The following LRMDA variants were observed in gnomAD, a reference collection of about 807,000 sequenced individuals.
The protein encoded by LRMDA is leucine rich melanocyte differentiation associated, also known as leucine-rich melanocyte differentiation-associated protein.
Under a neutral mutation model 29.8 loss-of-function variants are expected in LRMDA, and 18 were observed. The ratio of observed to expected loss-of-function variants is 0.60; its 90% CI spans 0.42 to 0.90. The LOEUF is 0.90. Among genes scored for constraint, LRMDA ranks in the 40% least tolerant of loss-of-function variants. The pLI is 0.00. For missense variants in LRMDA, 273 were observed against 273.9 expected, an observed-to-expected ratio of 1.00 and a Z score of 0.02; for synonymous variants, 125 against 109.4, an observed-to-expected ratio of 1.14 and a Z score of -0.89.
chr10:75,986,500 A>G (rs7092693), intron 2 of LRMDA, among the ~76,000 whole-genome samples: 39,542 of 152,222 alleles, frequency 0.26, 5,519 homozygotes, highest in South Asian at 0.44. Flanking sequence ...AAGTTTGGCA[A>G]TAATGAAAGC....
At chr10:75,598,266 A>G (rs185453984) in intron 2 of LRMDA, among the ~76,000 whole-genome samples, 6 of 152,290 alleles carry the variant, frequency 3.9e-5, no homozygotes, top group Admixed American at 6.5e-5. Context: ...GATGAGTCCA[A>G]CTTTCGGTAG....
At chr10:76,190,227 G>T (rs1332308847) in intron 5 of LRMDA, among the ~76,000 whole-genome samples, 1 of 151,726 alleles carries the variant, frequency 6.6e-6, no homozygotes, top group Non-Finnish European at 1.5e-5. Context: ...ATTAAATTAG[G>T]ATTTAAAAAA....
intron 2 of LRMDA, among the ~76,000 whole-genome samples, chr10:75,896,393 G>C (rs1368566688): frequency 6.6e-6 from 1 of 152,204 alleles, no homozygotes; most frequent in Non-Finnish European, 1.5e-5. Context: ...AGCACACTCA[G>C]TTGTTTATTG....
Position 76,460,234 on chromosome 10 carries a change from A to G in LRMDA, c.602-96975A>G, listed in dbSNP as rs537625374. Among the ~76,000 whole-genome samples the G allele has an allele frequency of 2.2e-4, 34 of 152,310 alleles. 1 individual carries two copies. In the South Asian group the frequency reaches 7.0e-3, roughly 32 times the overall value. On this transcript the variant is annotated intron_variant, in intron 6 of 6. Coordinates refer to ENST00000611255, the MANE Select transcript of LRMDA (RefSeq NM_001305581.2). Reference sequence around the variant, plus strand: ...CCCCAGTGTTCACACTGCACCCTCTATCAGTGCTTTGAGATCTTTAACCTG... The same window carrying G: ...CCCCAGTGTTCACACTGCACCCTCTGTCAGTGCTTTGAGATCTTTAACCTG...
chr10:75,686,611 C>G (rs1842084925), intron 2 of LRMDA, among the ~76,000 whole-genome samples: 1 of 152,180 alleles, frequency 6.6e-6, no homozygotes, highest in Non-Finnish European at 1.5e-5. Context: ...CTTATATTTA[C>G]TTTCTTCGTT....
In LRMDA at chr10:75,783,485, CAAAAAAAA is replaced by C. The variant is rs55852739; in HGVS notation, c.132-252511_132-252504del. On this transcript the variant is annotated intron_variant, in intron 2 of 6. Coordinates refer to ENST00000611255, the MANE Select transcript of LRMDA (RefSeq NM_001305581.2). The stretch of plus-strand genomic sequence containing the variant: ...TCTGTAAAGACTTACTGCTCAGAGG[CAAAAAAAA>C]AAAAAAAAAAAGTCTGAGAATGGTT... Among the ~76,000 whole-genome samples, 8 of 70,544 alleles carry C rather than the reference CAAAAAAAA, an allele frequency of 1.1e-4. No individual in the cohort carries two copies. The East Asian group carries it at 1.4e-3, about 13-fold the overall frequency. The allele number at this position is 70,544 out of a possible 152,430, so 46.3% of individuals were successfully genotyped here.
At chr10:76,292,815 G>A (rs1840358459) in intron 5 of LRMDA, among the ~76,000 whole-genome samples, 1 of 151,906 alleles carries the variant, frequency 6.6e-6, no homozygotes, top group Non-Finnish European at 1.5e-5. Context: ...ATAGAGAAGT[G>A]TCATACTATC....
At chr10:75,456,031 C>T (rs1001736943) in intron 2 of LRMDA, among the ~76,000 whole-genome samples, 5 of 152,296 alleles carry the variant, frequency 3.3e-5, no homozygotes, top group African/African-American at 9.6e-5. Context: ...TGCTGTGTAG[C>T]GTAGTGGTGA....
rs112582077 is a variant in LRMDA at position 75,443,474 on chromosome 10, A to G, written c.131+4980A>G. On this transcript the variant is annotated intron_variant, in intron 2 of 6. Coordinates refer to ENST00000611255, the MANE Select transcript of LRMDA (RefSeq NM_001305581.2). The stretch of plus-strand genomic sequence containing the variant: ...GTATCCTTTATTCTGTTAATGTGGT[A>G]TATATTATATATCAATAAATGTGGT... Among the ~76,000 whole-genome samples the G allele has an allele frequency of 5.5e-3, 844 of 152,166 alleles. 10 individuals carry two copies. Among genetic ancestry groups the G allele is most frequent in the African/African-American group, 0.019 (786 of 41,518 alleles).
chr10:75,797,044 G>T (rs1392441554), intron 2 of LRMDA, among the ~76,000 whole-genome samples: 4 of 151,670 alleles, frequency 2.6e-5, no homozygotes, highest in Admixed American at 6.6e-5. Context: ...TGTAATTTTG[G>T]GTTTTTTTTC....
At chr10:76,301,677 C>A (rs1840482161) in intron 5 of LRMDA, among the ~76,000 whole-genome samples, 2 of 152,174 alleles carry the variant, frequency 1.3e-5, no homozygotes, top group South Asian at 4.1e-4. Flanking sequence ...TATATTCTGT[C>A]ATGCTTGGCA....
chr10:76,251,144 G>A (rs1852471736), intron 5 of LRMDA, among the ~76,000 whole-genome samples: 1 of 151,128 alleles, frequency 6.6e-6, no homozygotes, highest in African/African-American at 2.4e-5. Flanking sequence ...TGCTTTCAGA[G>A]GACGTATGGT....
intron 2 of LRMDA, among the ~76,000 whole-genome samples, chr10:75,486,375 G>A (rs570683895): frequency 5.9e-5 from 9 of 152,018 alleles, no homozygotes; most frequent in East Asian, 1.9e-4. Flanking sequence ...TTTTTGATCC[G>A]CTTGACTTAA....
intron 2 of LRMDA, among the ~76,000 whole-genome samples, chr10:75,723,498 A>C (rs1842594627): frequency 6.6e-6 from 1 of 152,256 alleles, no homozygotes; most frequent in Non-Finnish European, 1.5e-5. Flanking sequence ...ACTGTCATGC[A>C]GCAGGAGAAG....
chr10:76,442,025 C>T (rs1842308619), intron 6 of LRMDA, among the ~76,000 whole-genome samples: 1 of 152,142 alleles, frequency 6.6e-6, no homozygotes, highest in South Asian at 2.1e-4. Context: ...AAAGTTTGCT[C>T]ATAGAAAGTA....
At chr10:75,546,378 A>C (rs1290110676) in intron 2 of LRMDA, among the ~76,000 whole-genome samples, 1 of 151,602 alleles carries the variant, frequency 6.6e-6, no homozygotes, top group Middle Eastern at 3.2e-3. Context: ...CATAAGCTTA[A>C]AAATATGTGT....
Position 76,321,815 on chromosome 10 carries a change from C to T in LRMDA, c.517-2586C>T, listed in dbSNP as rs1169938164. Among the ~76,000 whole-genome samples, 5 of 152,150 alleles carry T rather than the reference C, an allele frequency of 3.3e-5. No individual in the cohort carries two copies. The East Asian group carries it at 7.8e-4, about 24-fold the overall frequency. ...CAAAAATTAGCTGGATATGATGGCA[C>T]GTGCCTGTAATCCCAGCTACTCGGG... On this transcript the variant is annotated intron_variant, in intron 5 of 6. Transcript: ENST00000611255.
chr10:76,252,830 A>C (rs1342402669), intron 5 of LRMDA, among the ~76,000 whole-genome samples: 1 of 152,144 alleles, frequency 6.6e-6, no homozygotes, highest in Non-Finnish European at 1.5e-5. Context: ...GCTTTAGAAA[A>C]ACTTGTAATC....
intron 6 of LRMDA, among the ~76,000 whole-genome samples, chr10:76,487,703 C>G (rs766303789): frequency 2.0e-5 from 3 of 151,792 alleles, no homozygotes; most frequent in Non-Finnish European, 4.4e-5. Context: ...ACAACTAAAG[C>G]TAACTTGGAT....
Sources: allele counts gnomAD v4.1 joint callset (sites outside exome capture counted in the v4.1 genomes callset), GRCh38; gene constraint gnomAD v4.1.1; transcripts MANE v1.5; gene names NCBI Gene and HGNC (gene_info 2026-07-23, HGNC 2026-07-21).